PNPLA6: variants seen among roughly 807,000 people sequenced by gnomAD.
The protein encoded by PNPLA6 is patatin-like phospholipase domain-containing protein 6.
PNPLA6 carries 105 observed loss-of-function variants against 153.7 expected under a neutral mutation model. The ratio of observed to expected loss-of-function variants is 0.68; its 90% CI spans 0.58 to 0.80. PNPLA6 has a LOEUF of 0.80. Ranked by LOEUF, PNPLA6 falls within the 30% of genes least tolerant of loss-of-function variation. PNPLA6 has a pLI of 0.00. For synonymous variants in PNPLA6, 825 were observed against 822.2 expected, an observed-to-expected ratio of 1.00 and a Z score of -0.06; for missense variants, 1,423 against 1,919.3, an observed-to-expected ratio of 0.74 and a Z score of 4.83.
At position 7,550,579 on chromosome 19, in the gene PNPLA6, A is replaced by T; in HGVS notation, c.2009A>T (p.Gln670Leu). Residue 670 changes from glutamine (Q) to leucine (L), a missense_variant, in exon 16 of 32, where the codon CAG becomes CTG. Physicochemically the swap from Gln to Leu is moderately radical, Grantham distance 113. Around this residue, in one of 10 missense-constraint regions of PNPLA6, gnomAD observed 63 missense variants for 166.2 expected, o/e 0.38. Coordinates refer to ENST00000600737, the MANE Select transcript of PNPLA6 (RefSeq NM_001166114.2). ...VLNGRLRSVI[Q>L]RGSGKKELVG... Reference sequence around the variant, plus strand: ...AATGGGCGGCTGCGTAGCGTGATCCAGCGAGGCAGTGGCAAGAAGGAGCTG... The same window carrying T: ...AATGGGCGGCTGCGTAGCGTGATCCTGCGAGGCAGTGGCAAGAAGGAGCTG... The T allele has an allele frequency of 6.2e-7, 1 of 1,613,188 alleles. No homozygotes were observed. The highest frequency in any genetic ancestry group is 8.5e-7 in the Non-Finnish European group (1 of 1,179,914).
intron 26 of PNPLA6, 140 bp downstream of exon 26, chr19:7,556,864 G>T: frequency 1.4e-6 from 1 of 739,610 alleles, no homozygotes; most frequent in Admixed American, 2.0e-5. Context: ...ACCACTAACC[G>T]CCACCCACTA....
chr19:7,544,517 T>C (rs939182566), intron 13 of PNPLA6, among the ~76,000 whole-genome samples: 1 of 152,146 alleles, frequency 6.6e-6, no homozygotes, highest in Admixed American at 6.5e-5. Flanking sequence ...GCCGGAACCA[T>C]ACAGTCCATT....
intron 13 of PNPLA6, among the ~76,000 whole-genome samples, chr19:7,546,651 C>T (rs976720883): frequency 6.6e-6 from 1 of 151,990 alleles, no homozygotes; most frequent in African/African-American, 2.4e-5. Context: ...TGAGGTGATC[C>T]GCCTGCCTCA....
In PNPLA6 at chr19:7,555,117, G is replaced by C; in HGVS notation, c.2817+42G>C. ...CCCCCACCTTCTAGGGGCGTGGCTG[G>C]TGGGCGAGGCTTGGGAGACTGGGGC... On this transcript the variant is annotated intron_variant, in intron 22 of 31. Transcript: ENST00000600737. The surrounding 1 kb of genome is among the most constrained non-coding windows in gnomAD (Gnocchi z 6.3). 1.3e-6 allele frequency: 2 copies of C among 1,577,950 alleles called. No homozygotes were observed. The highest frequency in any genetic ancestry group is 2.3e-5 in the East Asian group (1 of 43,916).
At chr19:7,536,369 A>G in intron 2 of PNPLA6, 80 bp from the exon 3 acceptor site, 7 of 1,402,502 alleles carry the variant, frequency 5.0e-6, no homozygotes, top group Non-Finnish European at 7.1e-6. Flanking sequence ...TCCTTCCTTG[A>G]TGGAGACCCC....
chr19:7,551,224 C>G, intron 17 of PNPLA6, 117 bp downstream of exon 17: 5 of 924,864 alleles, frequency 5.4e-6, no homozygotes, highest in Non-Finnish European at 8.4e-6. Context: ...GGGGCCGAAG[C>G]GAGAGAGTGA....
rs181673518 is a variant in PNPLA6 at position 7,546,598 on chromosome 19, A to G, written c.1609-3309A>G. Among the ~76,000 whole-genome samples, 556 of 152,118 alleles carry G rather than the reference A, an allele frequency of 3.7e-3. 1 individual carries two copies. Among genetic ancestry groups the G allele is most frequent in the African/African-American group, 0.013 (527 of 41,542 alleles). ...TAATTTTTGTATTTGTAGTAGAGAC[A>G]GGGTTTCGCCATGTTGGCCAGGATG... is the stretch of plus-strand genomic sequence containing the variant. On this transcript the variant is annotated intron_variant, in intron 13 of 31. Coordinates refer to ENST00000600737, the MANE Select transcript of PNPLA6 (RefSeq NM_001166114.2).
intron 28 of PNPLA6, among the ~76,000 whole-genome samples, chr19:7,560,065 TA>T (rs2024036998): frequency 6.8e-6 from 1 of 146,502 alleles, no homozygotes; most frequent in Non-Finnish European, 1.5e-5. Flanking sequence ...CGCTTGAACC[TA>T]GGAGGCAGTG....
chr19:7,560,150 TATTA>T (rs2024040097), intron 28 of PNPLA6, among the ~76,000 whole-genome samples: 2 of 151,652 alleles, frequency 1.3e-5, no homozygotes, highest in South Asian at 2.1e-4. Flanking sequence ...CAAAAAATAA[TATTA>T]ATTTTAAAAA....
rs1294203552 is a variant in PNPLA6 at position 7,540,799 on chromosome 19, T to C, written c.795+89T>C. The stretch of plus-strand genomic sequence containing the variant: ...GAAGGAAATCACAGGGTCCCCAATC[T>C]CTGGTTCATCCGTTATGCTGCCGAT... On this transcript the variant is annotated intron_variant, in intron 6 of 31. Transcript: ENST00000600737. The surrounding 1 kb of genome is among the most constrained non-coding windows in gnomAD (Gnocchi z 6.8). 4 of 1,553,472 alleles carry C rather than the reference T, an allele frequency of 2.6e-6. No homozygotes were observed. The African/African-American group carries it at 4.1e-5, about 16-fold the overall frequency.
intron 13 of PNPLA6, among the ~76,000 whole-genome samples, chr19:7,549,460 A>G (rs184462245): frequency 1.1e-3 from 166 of 148,946 alleles, no homozygotes; most frequent in African/African-American, 3.8e-3. Flanking sequence ...TTCTGGGATT[A>G]CAGGCGTGAG....
upstream of PNPLA6, chr19:7,535,143 A>T (rs2022787316): frequency 2.7e-6 from 1 of 377,016 alleles, no homozygotes. The surrounding 1 kb of genome is among the most constrained non-coding windows in gnomAD (Gnocchi z 5.0). Flanking sequence ...GTGACCCGGG[A>T]GGAAGTCACC....
chr19:7,560,098 G>A (rs1303383523), intron 28 of PNPLA6, among the ~76,000 whole-genome samples: 1 of 151,838 alleles, frequency 6.6e-6, no homozygotes, highest in African/African-American at 2.4e-5. Context: ...CCAAGATTGT[G>A]CCACTGCACT....
Position 7,558,764 on chromosome 19 carries a change from G to A in PNPLA6, c.3398-86G>A, listed in dbSNP as rs1005347542. 4.4e-6 allele frequency: 4 copies of A among 902,034 alleles called. No homozygotes were observed. In the Admixed American group the frequency reaches 8.4e-5, roughly 19 times the overall value. The allele number at this position is 902,034 out of a possible 1,614,324, so 55.9% of individuals were successfully genotyped here. A position where few individuals can be genotyped will look rare whatever the true frequency, so the allele number is the denominator to read the frequency against. ...CTCTTTTTTTTTTGCGTGATCATTT[G>A]CATGATGGCATCTGTGGGACTGGGT... On this transcript the variant is annotated intron_variant, in intron 27 of 31. Transcript: ENST00000600737.
chr19:7,553,841 G>A lies in PNPLA6; in HGVS notation c.2261-34G>A, dbSNP rs1290098113. The stretch of plus-strand genomic sequence containing the variant: ...GGTTCATCTCTCTGGACACAGGTTC[G>A]CACCACAAATCTCATCCATTGGGTT... On this transcript the variant is annotated intron_variant, in intron 18 of 31. Coordinates refer to ENST00000600737, the MANE Select transcript of PNPLA6 (RefSeq NM_001166114.2). The A allele has an allele frequency of 1.1e-5, 18 of 1,613,922 alleles. No individual in the cohort carries two copies. The East Asian group carries it at 1.3e-4, about 12-fold the overall frequency.
chr19:7,538,178 T>C (rs1188664948), intron 3 of PNPLA6, among the ~76,000 whole-genome samples: 2 of 152,116 alleles, frequency 1.3e-5, no homozygotes, highest in Non-Finnish European at 2.9e-5. Flanking sequence ...ATAACAATTA[T>C]AATTATTATT....
Position 7,547,534 on chromosome 19 carries a change from A to G in PNPLA6, c.1609-2373A>G, listed in dbSNP as rs557589542. Among the ~76,000 whole-genome samples the G allele has an allele frequency of 4.8e-4, 73 of 152,198 alleles. 1 individual carries two copies. Among genetic ancestry groups the G allele is most frequent in the Non-Finnish European group, 1.5e-4 (10 of 68,026 alleles). On this transcript the variant is annotated intron_variant, in intron 13 of 31. Transcript: ENST00000600737. ...TTTTTTTAGAGACGGGGGTCTCACTATGTTGCCCAGGCTGGTCTCCAACTC... is the reference window on the plus strand; with the variant it reads ...TTTTTTTAGAGACGGGGGTCTCACTGTGTTGCCCAGGCTGGTCTCCAACTC...
At chr19:7,546,033 G>A (rs971920099) in intron 13 of PNPLA6, among the ~76,000 whole-genome samples, 2 of 152,052 alleles carry the variant, frequency 1.3e-5, no homozygotes, top group South Asian at 4.1e-4. Flanking sequence ...AATCATAAGT[G>A]CTTAGTGTCA....
chr19:7,554,762 T>C lies in PNPLA6; in HGVS notation c.2634+39T>C, dbSNP rs599330. ...GCCCCCTGATCTCACCCACCTCGGG[T>C]CCCGTCCTTTGCCCTCCCGTGCCTG... On this transcript the variant is annotated intron_variant, in intron 21 of 31. Transcript: ENST00000600737. 0.78 allele frequency: 1,257,010 copies of C among 1,603,546 alleles called. 494,471 individuals are homozygous for C. The highest frequency in any genetic ancestry group is 0.87 in the Admixed American group (52,244 of 59,824).
Sources: gnomAD v4.1 joint callset for allele counts (sites outside exome capture counted in the v4.1 genomes callset) on GRCh38, gnomAD v4.1.1 for gene constraint, gnomAD v4.1.1 regional missense constraint, Gnocchi (gnomAD v3.1) non-coding constraint, MANE v1.5 for transcripts, NCBI Gene and HGNC (gene_info 2026-07-23, HGNC 2026-07-21) for gene names.